RAB36: variants seen among roughly 807,000 people sequenced by gnomAD.
The protein encoded by RAB36 is RAB36, member RAS oncogene family.
A neutral mutation model predicts 39.3 loss-of-function variants in RAB36; 33 were observed. The ratio of observed to expected loss-of-function variants is 0.84; its 90% CI spans 0.64 to 1.12. The LOEUF (loss-of-function observed/expected upper bound fraction) is 1.12. RAB36 is among the 50% of genes most tolerant of loss of function. RAB36 has a pLI of 0.00. For missense variants in RAB36, 308 were observed against 355.3 expected, an observed-to-expected ratio of 0.87 and a Z score of 1.07; for synonymous variants, 133 against 140.2, an observed-to-expected ratio of 0.95 and a Z score of 0.36.
At position 23,153,562 on chromosome 22, in the gene RAB36, G is replaced by C. The variant is rs538820346; in HGVS notation, c.329+428G>C. On this transcript the variant is annotated intron_variant, in intron 5 of 10. Transcript: ENST00000263116. ...GTCAAATCCAGTCCCTGCATGCCAG[G>C]CTTGGGCAAGGAGGGCTGAGATGGA... 3.9e-5 allele frequency: 38 copies of C among 985,140 alleles called. No homozygotes were observed. The African/African-American group carries it at 5.9e-4, about 15-fold the overall frequency. The allele number at this position is 985,140 out of a possible 1,614,324, so 61.0% of individuals were successfully genotyped here. A position where few individuals can be genotyped will look rare whatever the true frequency, so the allele number is the denominator to read the frequency against.
chr22:23,159,448 T>A (rs1432814367), intron 9 of RAB36, among the ~76,000 whole-genome samples, 195 bp downstream of exon 9: 1 of 152,218 alleles, frequency 6.6e-6, no homozygotes, highest in African/African-American at 2.4e-5. Context: ...CTGCGTCATC[T>A]CTAGAAGGAA....
chr22:23,151,868 A>G (rs938906835), intron 3 of RAB36, among the ~76,000 whole-genome samples: 1 of 152,194 alleles, frequency 6.6e-6, no homozygotes, highest in Admixed American at 6.5e-5. Context: ...GCCCGGATGC[A>G]TAGAGCCTCA....
At chr22:23,152,582 C>T (rs2071217440) in intron 4 of RAB36, 56 bp downstream of exon 4, 1 of 1,546,414 alleles carries the variant, frequency 6.5e-7, no homozygotes, top group Admixed American at 1.7e-5. Context: ...GTTGTCATAC[C>T]TTTGCCTGGG....
chr22:23,155,882 A>C, intron 5 of RAB36, 86 bp from the exon 6 acceptor site: 1 of 1,290,382 alleles, frequency 7.7e-7, no homozygotes, highest in Non-Finnish European at 1.1e-6. Context: ...AGGGTCTCCC[A>C]CCCATGGTCC....
In RAB36 at chr22:23,162,676, CCT is replaced by C. The variant is rs1173228123; in HGVS notation, c.*1113_*1114del. 1 of 456,302 alleles carries C rather than the reference CCT, an allele frequency of 2.2e-6. No homozygotes were observed. The highest frequency in any genetic ancestry group is 4.4e-6 in the Non-Finnish European group (1 of 226,980). 28.3% of individuals were successfully genotyped at this position (456,302 alleles called of 1,614,324 possible). ...TGAACCAGCCCCACAGCCCCAGGCC[CCT>C]GTCACCTGGCTATGCCCACTCATCC... On this transcript the variant is annotated 3_prime_UTR_variant, in exon 11 of 11. Transcript: ENST00000263116.
At chr22:23,159,321 G>A in intron 9 of RAB36, 68 bp downstream of exon 9, 1 of 1,408,468 alleles carries the variant, frequency 7.1e-7, no homozygotes, top group Non-Finnish European at 9.7e-7. Context: ...TGTGGGGCCT[G>A]CCATGCAGTG....
At chr22:23,168,538 AGATGC>A (rs1421007432), downstream of RAB36, among the ~76,000 whole-genome samples, 1 of 152,162 alleles carries the variant, frequency 6.6e-6, no homozygotes, top group African/African-American at 2.4e-5. Flanking sequence ...GCACTGTGTG[AGATGC>A]GATGCCCTCC....
chr22:23,166,146 TTAAAA>T (rs2072046653), downstream of RAB36, among the ~76,000 whole-genome samples: 1 of 82,176 alleles, frequency 1.2e-5, no homozygotes, highest in Non-Finnish European at 2.2e-5. Flanking sequence ...ACTCTGTCTT[TTAAAA>T]AAAAAAAAAA....
At chr22:23,146,736 G>A (rs149055736) in intron 2 of RAB36, 51 bp downstream of exon 2, 26,439 of 1,601,936 alleles carry the variant, frequency 0.017, 313 homozygotes, top group Non-Finnish European at 0.021. Flanking sequence ...AGCCACATCA[G>A]CTCTCCCCAC....
downstream of RAB36, among the ~76,000 whole-genome samples, chr22:23,168,020 A>AT (rs558362395): frequency 6.6e-4 from 99 of 150,170 alleles, no homozygotes; most frequent in East Asian, 1.6e-3. Context: ...CTAATTTTTA[A>AT]TTTTTTTTTT....
intron 5 of RAB36, 85 bp downstream of exon 5, chr22:23,153,219 A>G: frequency 9.7e-7 from 1 of 1,031,856 alleles, no homozygotes; most frequent in South Asian, 1.3e-5. Context: ...CACTGTGTCC[A>G]TGTCAAGGAG....
chr22:23,153,001 C>T (rs2071247328), intron 4 of RAB36, 32 bp from the exon 5 acceptor site: 3 of 1,483,510 alleles, frequency 2.0e-6, no homozygotes, highest in Non-Finnish European at 2.8e-6. Context: ...TCTGTGAGTA[C>T]ACCCCTGTGA....
At chr22:23,154,876 A>C (rs2071368080) in intron 5 of RAB36, among the ~76,000 whole-genome samples, 1 of 152,244 alleles carries the variant, frequency 6.6e-6, no homozygotes, top group African/African-American at 2.4e-5. Context: ...CTGTAATCCC[A>C]GCACTTTGGG....
chr22:23,150,299 T>G (rs2071036671), intron 3 of RAB36, 145 bp downstream of exon 3: 1 of 638,396 alleles, frequency 1.6e-6, no homozygotes. Context: ...TTTTCTTTTT[T>G]TTTTCTTTTT....
intron 2 of RAB36, among the ~76,000 whole-genome samples, chr22:23,148,041 A>T (rs1211101917): frequency 6.6e-6 from 1 of 152,104 alleles, no homozygotes; most frequent in African/African-American, 2.4e-5. Context: ...GTGCAGAGGG[A>T]TAGATCCTCT....
intron 6 of RAB36, 169 bp downstream of exon 6, chr22:23,156,201 C>T: frequency 1.7e-6 from 1 of 595,226 alleles, no homozygotes; most frequent in Non-Finnish European, 3.0e-6. Context: ...GCCTTCATCC[C>T]CAGGCACTGG....
intron 1 of RAB36, chr22:23,145,993 C>T: frequency 1.0e-6 from 1 of 985,426 alleles, no homozygotes; most frequent in Non-Finnish European, 1.2e-6. Context: ...ACTCTACTTC[C>T]ACTGCCTGAG....
chr22:23,161,180 C>T (rs2071767359), intron 10 of RAB36, among the ~76,000 whole-genome samples, 182 bp downstream of exon 10: 1 of 152,180 alleles, frequency 6.6e-6, no homozygotes, highest in South Asian at 2.1e-4. Flanking sequence ...TTCCACCTGC[C>T]AGGTCAGACA....
chr22:23,151,542 G>A (rs1207961351), intron 3 of RAB36, among the ~76,000 whole-genome samples: 1 of 152,132 alleles, frequency 6.6e-6, no homozygotes, highest in Non-Finnish European at 1.5e-5. Flanking sequence ...TGGTTGCTGT[G>A]ACCATTTGGC....
Sources: gnomAD v4.1 joint callset for allele counts (sites outside exome capture counted in the v4.1 genomes callset) on GRCh38, gnomAD v4.1.1 for gene constraint, MANE v1.5 for transcripts, NCBI Gene and HGNC (gene_info 2026-07-23, HGNC 2026-07-21) for gene names.